The following GMDS variants were observed in gnomAD, a reference collection of about 807,000 sequenced individuals.
GMDS encodes the protein GDP-mannose 4,6-dehydratase, also known as GDP-mannose 4,6 dehydratase.
GMDS carries 20 observed loss-of-function variants against 49.9 expected under a neutral mutation model. The ratio of observed to expected loss-of-function variants is 0.40; its 90% CI spans 0.28 to 0.58. The LOEUF (loss-of-function observed/expected upper bound fraction) is 0.58. GMDS is among the 20% of genes least tolerant of loss of function. The probability of loss-of-function intolerance (pLI) is 0.42; values close to 1 mark genes in which losing one functional copy is unlikely to be tolerated. For missense variants in GMDS, 362 were observed against 481.4 expected (o/e 0.75, Z 2.32); for synonymous variants, 177 against 178.6 (o/e 0.99, Z 0.07).
intron 9 of GMDS, among the ~76,000 whole-genome samples, chr6:1,700,661 G>A (rs1765511813): frequency 6.6e-6 from 1 of 152,308 alleles, no homozygotes. Context: ...AGATGGCAAC[G>A]TGGGACAACA....
intron 4 of GMDS, among the ~76,000 whole-genome samples, chr6:2,100,179 T>TA (rs2127484982): frequency 6.6e-6 from 1 of 152,240 alleles, no homozygotes; most frequent in East Asian, 1.9e-4. Flanking sequence ...CTGTGCTAGT[T>TA]AGAATTTAGA....
intron 9 of GMDS, among the ~76,000 whole-genome samples, chr6:1,702,356 G>A (rs972277175): frequency 6.6e-6 from 1 of 152,210 alleles, no homozygotes; most frequent in Non-Finnish European, 1.5e-5. Flanking sequence ...TAAAACATGA[G>A]ACTGTATTCT....
intron 4 of GMDS, among the ~76,000 whole-genome samples, chr6:2,048,735 A>AT (rs1420997367): frequency 6.6e-6 from 1 of 151,944 alleles, no homozygotes; most frequent in African/African-American, 2.4e-5. Context: ...GATCTTGCAT[A>AT]TTTTTTACTG....
intron 7 of GMDS, among the ~76,000 whole-genome samples, chr6:1,793,766 C>G (rs890107180): frequency 7.2e-5 from 11 of 152,112 alleles, no homozygotes; most frequent in Admixed American, 2.0e-4. Context: ...GCTTAGTATT[C>G]CTGGAGAAAC....
At chr6:2,022,876 T>G (rs1428245256) in intron 4 of GMDS, among the ~76,000 whole-genome samples, 2 of 152,194 alleles carry the variant, frequency 1.3e-5, no homozygotes, top group Non-Finnish European at 2.9e-5. Context: ...CAATAAGCCC[T>G]CTGTCTGAGG....
intron 7 of GMDS, among the ~76,000 whole-genome samples, chr6:1,832,312 C>T (rs72841943): frequency 0.024 from 3,677 of 151,904 alleles, 65 homozygotes; most frequent in South Asian, 0.04. Context: ...GCTCCTCGAA[C>T]CCACCAGGAG....
chr6:1,858,904 TA>T lies in GMDS; in HGVS notation c.771+71198del, dbSNP rs3839599. ...AATTTTAATGGTTTAAGGTCATCTA[TA>T]AGCCTTGGCAGGGTACATTAAAGGA... On this transcript the variant is annotated intron_variant, in intron 7 of 10. Coordinates refer to ENST00000380815, the MANE Select transcript of GMDS (RefSeq NM_001500.4). 1.2e-3 allele frequency among the ~76,000 whole-genome samples: 184 copies of T among 152,282 alleles called. 1 individual carries two copies. The East Asian group carries it at 0.03, about 24-fold the overall frequency.
chr6:2,169,618 C>T (rs750356856), intron 1 of GMDS, among the ~76,000 whole-genome samples: 1 of 90,602 alleles, frequency 1.1e-5, no homozygotes, highest in African/African-American at 6.3e-5. Context: ...AGCCACCAGG[C>T]AGCAAAAAAA....
At chr6:1,767,114 T>G (rs1010581449) in intron 7 of GMDS, among the ~76,000 whole-genome samples, 1 of 152,240 alleles carries the variant, frequency 6.6e-6, no homozygotes, top group African/African-American at 2.4e-5. Flanking sequence ...ACTTTTGTTT[T>G]CCTAGTTTTC....
At position 2,245,600 on chromosome 6, in the gene GMDS, A is replaced by C; in HGVS notation, c.-178T>G. ...GACAGGGGCGCACGGGAGGCCGTGCAGGGAGGGCCGGGGGCGGGCCGAGCC... is the reference window on the plus strand; with the variant it reads ...GACAGGGGCGCACGGGAGGCCGTGCCGGGAGGGCCGGGGGCGGGCCGAGCC... On this transcript the variant is annotated 5_prime_UTR_variant, in exon 1 of 11. Transcript: ENST00000380815. 2.7e-6 allele frequency: 1 copy of C among 373,618 alleles called. No homozygotes were observed. Among genetic ancestry groups the C allele is most frequent in the Non-Finnish European group, 4.7e-6 (1 of 212,476 alleles). 23.1% of individuals were successfully genotyped at this position (373,618 alleles called of 1,614,324 possible).
chr6:1,936,400 A>C (rs143121307), intron 6 of GMDS, among the ~76,000 whole-genome samples: 224 of 152,256 alleles, frequency 1.5e-3, no homozygotes, highest in African/African-American at 5.2e-3. Flanking sequence ...GAAGCCTGTG[A>C]ATTTTACCAG....
At chr6:2,031,951 T>C (rs1768988661) in intron 4 of GMDS, among the ~76,000 whole-genome samples, 1 of 152,220 alleles carries the variant, frequency 6.6e-6, no homozygotes, top group South Asian at 2.1e-4. Flanking sequence ...ATGAAAACAT[T>C]AGCCATTTTT....
At chr6:1,633,889 A>C (rs1045959063) in intron 9 of GMDS, among the ~76,000 whole-genome samples, 3 of 152,108 alleles carry the variant, frequency 2.0e-5, no homozygotes, top group Non-Finnish European at 4.4e-5. Flanking sequence ...ACTGCCTTGG[A>C]GTATCTACCG....
chr6:1,751,405 C>A (rs1418129871), intron 7 of GMDS, among the ~76,000 whole-genome samples: 1 of 152,240 alleles, frequency 6.6e-6, no homozygotes, highest in Non-Finnish European at 1.5e-5. Context: ...TGTTCTGCAG[C>A]CTCTGCTGGT....
At chr6:2,079,260 A>G (rs534139699) in intron 4 of GMDS, among the ~76,000 whole-genome samples, 1 of 151,868 alleles carries the variant, frequency 6.6e-6, no homozygotes, top group East Asian at 1.9e-4. Flanking sequence ...GGAAAATTCA[A>G]TCCTTCCACA....
intron 4 of GMDS, among the ~76,000 whole-genome samples, chr6:1,999,376 GAT>G (rs1360062393): frequency 3.0e-4 from 44 of 147,086 alleles, no homozygotes; most frequent in Admixed American, 6.1e-4. Flanking sequence ...TGTTCAGAAA[GAT>G]ATTAAAAGAT....
At chr6:1,925,462 G>C (rs1442301238) in intron 7 of GMDS, among the ~76,000 whole-genome samples, 1 of 152,154 alleles carries the variant, frequency 6.6e-6, no homozygotes, top group Non-Finnish European at 1.5e-5. Flanking sequence ...ATAGCACACT[G>C]ATGCTAATTT....
At chr6:1,917,445 T>C (rs1341167806) in intron 7 of GMDS, among the ~76,000 whole-genome samples, 1 of 152,188 alleles carries the variant, frequency 6.6e-6, no homozygotes, top group South Asian at 2.1e-4. Flanking sequence ...CATGGTCAAA[T>C]ATGTGTTGGG....
intron 1 of GMDS, among the ~76,000 whole-genome samples, chr6:2,139,231 T>C (rs1487230961): frequency 6.6e-6 from 1 of 152,188 alleles, no homozygotes; most frequent in Non-Finnish European, 1.5e-5. Context: ...CATTTCAATT[T>C]AATTACTAAT....
Sources: allele counts gnomAD v4.1 joint callset (sites outside exome capture counted in the v4.1 genomes callset), GRCh38; gene constraint gnomAD v4.1.1; transcripts MANE v1.5; gene names NCBI Gene and HGNC (gene_info 2026-07-23, HGNC 2026-07-21).